Variants in SAMMSON observed in about 807,000 individuals in gnomAD.
SAMMSON encodes the protein long intergenic non-protein coding RNA 1212.
chr3:70,296,988 C>G (rs1057508182), intron 7 of SAMMSON, among the ~76,000 whole-genome samples: 1 of 151,908 alleles, frequency 6.6e-6, no homozygotes, highest in Non-Finnish European at 1.5e-5. Flanking sequence ...TCCCCATGCT[C>G]CCCAACCGCC....
intron 4 of SAMMSON, among the ~76,000 whole-genome samples, chr3:70,103,698 C>T (rs919809779): frequency 6.6e-5 from 10 of 152,034 alleles, no homozygotes; most frequent in South Asian, 2.1e-4. Context: ...TTCTTATTGG[C>T]GAAAATTCTT....
chr3:70,286,412 A>G (rs1448637449), intron 6 of SAMMSON, among the ~76,000 whole-genome samples: 3 of 151,628 alleles, frequency 2.0e-5, no homozygotes, highest in East Asian at 1.9e-4. Context: ...TGTTCCATTG[A>G]TCTATATCTC....
intron 4 of SAMMSON, among the ~76,000 whole-genome samples, chr3:70,095,081 T>C (rs532139751): frequency 2.0e-5 from 3 of 152,300 alleles, no homozygotes; most frequent in Non-Finnish European, 2.9e-5. Flanking sequence ...CTTTGGCTAG[T>C]AAGCGTCATC....
At chr3:70,424,010 AG>A (rs763595490) in intron 2 of SAMMSON, among the ~76,000 whole-genome samples, 4 of 152,202 alleles carry the variant, frequency 2.6e-5, no homozygotes, top group Non-Finnish European at 5.9e-5. Flanking sequence ...TAGTGATAGA[AG>A]TTAAGTAGCA....
chr3:70,376,694 G>C (rs1007484773), intron 9 of SAMMSON, among the ~76,000 whole-genome samples: 37 of 152,040 alleles, frequency 2.4e-4, no homozygotes, highest in African/African-American at 8.7e-4. Flanking sequence ...CCAGAGCCAG[G>C]CTCTGAGTTC....
At chr3:70,021,047 A>G (rs1472619944) in intron 3 of SAMMSON, among the ~76,000 whole-genome samples, 1 of 152,134 alleles carries the variant, frequency 6.6e-6, no homozygotes, top group Non-Finnish European at 1.5e-5. Context: ...AACGGAGTTA[A>G]ATGTTGGAAT....
intron 7 of SAMMSON, among the ~76,000 whole-genome samples, chr3:70,303,538 C>G (rs535871425): frequency 1.3e-5 from 2 of 152,284 alleles, no homozygotes; most frequent in South Asian, 4.1e-4. Flanking sequence ...AGATTGTGAG[C>G]TACTCTTGCA....
At chr3:70,070,906 T>C (rs941828501) in intron 3 of SAMMSON, among the ~76,000 whole-genome samples, 1 of 152,062 alleles carries the variant, frequency 6.6e-6, no homozygotes, top group Non-Finnish European at 1.5e-5. Flanking sequence ...TTTAGTATGT[T>C]CCTAAAAGCC....
chr3:70,216,597 A>AT (rs1559537274), intron 4 of SAMMSON, among the ~76,000 whole-genome samples: 1 of 152,030 alleles, frequency 6.6e-6, no homozygotes, highest in Non-Finnish European at 1.5e-5. Flanking sequence ...CTAGATAGAG[A>AT]TTTTTTAAGT....
At chr3:70,046,914 A>G (rs2067129081) in intron 3 of SAMMSON, among the ~76,000 whole-genome samples, 1 of 152,020 alleles carries the variant, frequency 6.6e-6, no homozygotes, top group South Asian at 2.1e-4. Flanking sequence ...TCCCTCTGAC[A>G]TCATCAGGGA....
intron 3 of SAMMSON, among the ~76,000 whole-genome samples, chr3:70,021,054 G>A (rs2067011277): frequency 6.6e-6 from 1 of 152,064 alleles, no homozygotes; most frequent in South Asian, 2.1e-4. Context: ...TTAAATGTTG[G>A]AATTTTATTT....
intron 2 of SAMMSON, among the ~76,000 whole-genome samples, chr3:70,430,031 C>A (rs1701401206): frequency 6.6e-6 from 1 of 152,118 alleles, no homozygotes; most frequent in Admixed American, 6.5e-5. Context: ...GAGAGGGCAT[C>A]CTTGTCTTGT....
intron 4 of SAMMSON, among the ~76,000 whole-genome samples, chr3:70,185,095 T>A (rs1701082323): frequency 6.6e-6 from 1 of 152,184 alleles, no homozygotes; most frequent in African/African-American, 2.4e-5. Flanking sequence ...TTTCAACATA[T>A]CCATGTGTTT....
At chr3:70,164,590 C>A (rs932565989) in intron 4 of SAMMSON, among the ~76,000 whole-genome samples, 1 of 152,006 alleles carries the variant, frequency 6.6e-6, no homozygotes, top group African/African-American at 2.4e-5. Context: ...AATAAGGCTT[C>A]CAAATCAAGG....
chr3:70,078,726 G>C (rs1262842735), intron 4 of SAMMSON, among the ~76,000 whole-genome samples: 5 of 152,092 alleles, frequency 3.3e-5, no homozygotes, highest in African/African-American at 1.2e-4. Flanking sequence ...AACAGGGCCA[G>C]GCCCAGAGTA....
intron 6 of SAMMSON, among the ~76,000 whole-genome samples, chr3:70,267,564 G>A (rs1190364090): frequency 7.2e-6 from 1 of 139,628 alleles, no homozygotes; most frequent in African/African-American, 2.6e-5. Context: ...CACCATGCCC[G>A]GCTAATTTTT....
At chr3:70,152,898 G>GCTATT (rs2067577261) in intron 4 of SAMMSON, among the ~76,000 whole-genome samples, 1 of 151,990 alleles carries the variant, frequency 6.6e-6, no homozygotes, top group Non-Finnish European at 1.5e-5. Context: ...ATTTGAAATA[G>GCTATT]CTATTTGGTC....
At chr3:70,011,384 T>G (rs1269186520) in intron 1 of SAMMSON, among the ~76,000 whole-genome samples, 1 of 152,112 alleles carries the variant, frequency 6.6e-6, no homozygotes, top group Non-Finnish European at 1.5e-5. Flanking sequence ...AAAATACCTA[T>G]TGTTAGGACA....
chr3:70,226,737 TA>T (rs369777217), intron 4 of SAMMSON, among the ~76,000 whole-genome samples: 3,467 of 121,346 alleles, frequency 0.029, 106 homozygotes, highest in African/African-American at 0.084. Flanking sequence ...GACTCTGTCT[TA>T]AAAAAAAAAA....
Sources: allele counts gnomAD v4.1 joint callset (sites outside exome capture counted in the v4.1 genomes callset), GRCh38; gene constraint gnomAD v4.1.1; transcripts MANE v1.5; gene names NCBI Gene and HGNC (gene_info 2026-07-23, HGNC 2026-07-21).